The following TANK variants were observed in gnomAD, a reference collection of about 807,000 sequenced individuals.
TANK encodes TRAF family member-associated NF-kappa-B activator.
A neutral mutation model predicts 43.6 loss-of-function variants in TANK; 15 were observed. That is an observed-to-expected ratio of 0.34 (90% CI 0.23 to 0.53). The LOEUF is 0.53. Among genes scored for constraint, TANK ranks in the 20% least tolerant of loss-of-function variants. The probability of loss-of-function intolerance (pLI) is 0.94; values close to 1 mark genes in which losing one functional copy is unlikely to be tolerated. For synonymous variants in TANK, 162 were observed against 178.2 expected, an observed-to-expected ratio of 0.91 and a Z score of 0.73; for missense variants, 417 against 498.6, an observed-to-expected ratio of 0.84 and a Z score of 1.56.
At chr2:161,213,437 T>A (rs972571253) in intron 4 of TANK, among the ~76,000 whole-genome samples, 2 of 152,076 alleles carry the variant, frequency 1.3e-5, no homozygotes, top group Non-Finnish European at 2.9e-5. Context: ...ACCCTGTCTC[T>A]ACTAAGAATA....
At chr2:161,146,698 T>C (rs1249957557) in intron 1 of TANK, among the ~76,000 whole-genome samples, 1 of 152,200 alleles carries the variant, frequency 6.6e-6, no homozygotes, top group Admixed American at 6.5e-5. Flanking sequence ...TGCCTGCTCC[T>C]TCCTCTGGGA....
At chr2:161,138,038 G>T in intron 1 of TANK, 1 of 580,842 alleles carries the variant, frequency 1.7e-6, no homozygotes, top group Non-Finnish European at 2.2e-6. Flanking sequence ...ACATGATAGT[G>T]AATATTTCAT....
At chr2:161,194,094 G>A (rs952756663) in intron 2 of TANK, among the ~76,000 whole-genome samples, 6 of 151,974 alleles carry the variant, frequency 3.9e-5, no homozygotes, top group South Asian at 2.1e-4. Context: ...TTGCTTCTTT[G>A]ACCATCTTTC....
rs939411917 is a variant in TANK, at chr2:161,139,659, T to A, written c.-50+2596T>A. ...AAACCAACCAAACCTACACGTTTCC[T>A]CTTTTTCTCTCCAATCCACATGCTT... On this transcript the variant is annotated intron_variant, in intron 1 of 7. Coordinates refer to the TANK transcript ENST00000259075. 5.1e-6 allele frequency: 5 copies of A among 983,114 alleles called. No homozygotes were observed. In the African/African-American group the frequency reaches 8.7e-5, roughly 17 times the overall value. The allele number at this position is 983,114 out of a possible 1,614,324, so 60.9% of individuals were successfully genotyped here.
intron 1 of TANK, chr2:161,160,776 G>A (rs1277071657): frequency 8.9e-6 from 5 of 561,512 alleles, no homozygotes; most frequent in South Asian, 4.6e-5. Context: ...GACTCGTCCC[G>A]GCTGCTTTGC....
intron 1 of TANK, among the ~76,000 whole-genome samples, chr2:161,175,635 A>C (rs571112895): frequency 6.6e-6 from 1 of 152,224 alleles, no homozygotes; most frequent in Non-Finnish European, 1.5e-5. Context: ...TTTCTTGCTC[A>C]TGCTACCTCT....
At chr2:161,199,674 A>C (rs938036195) in intron 2 of TANK, among the ~76,000 whole-genome samples, 1 of 152,184 alleles carries the variant, frequency 6.6e-6, no homozygotes, top group African/African-American at 2.4e-5. Context: ...ACCATTTTTG[A>C]TAAATTTAGG....
chr2:161,232,541 T>C (rs994543704), intron 7 of TANK, among the ~76,000 whole-genome samples: 1 of 152,208 alleles, frequency 6.6e-6, no homozygotes, highest in African/African-American at 2.4e-5. Flanking sequence ...AAGTTTTAAT[T>C]ATAACCTCAC....
chr2:161,178,168 C>A (rs1685252554), intron 1 of TANK, among the ~76,000 whole-genome samples: 2 of 152,040 alleles, frequency 1.3e-5, no homozygotes, highest in African/African-American at 4.8e-5. Context: ...AGGTATATAT[C>A]TGAAAATATT....
intron 6 of TANK, among the ~76,000 whole-genome samples, chr2:161,228,842 T>G (rs1687766014): frequency 6.6e-6 from 1 of 152,232 alleles, no homozygotes; most frequent in Non-Finnish European, 1.5e-5. Context: ...CACATACCAT[T>G]GTGTTACCTG....
intron 1 of TANK, among the ~76,000 whole-genome samples, chr2:161,141,938 T>A (rs1402074309): frequency 6.6e-6 from 1 of 152,184 alleles, no homozygotes; most frequent in Non-Finnish European, 1.5e-5. Flanking sequence ...CGAATTTACA[T>A]TTCCACCAAC....
In TANK at chr2:161,231,395, A is replaced by G; in HGVS notation, c.945A>G (p.Val315=). The G allele has an allele frequency of 4.3e-6, 7 of 1,614,210 alleles. No individual in the cohort carries two copies. Among genetic ancestry groups the G allele is most frequent in the Non-Finnish European group, 5.9e-6 (7 of 1,180,014 alleles). Residue 315 remains valine (V), a synonymous_variant, in exon 7 of 8, where the codon GTA becomes GTG. Coordinates refer to ENST00000392749, the MANE Select transcript of TANK (RefSeq NM_001199135.3). The stretch of plus-strand genomic sequence containing the variant: ...ACAAAACAAAGCCCTCAAATCTCGT[A>G]AACACTTGTATCAGGACAACTCTGG... The part of the protein sequence containing the change: ...TTDKTKPSNL[V]NTCIRTTLDR...
intron 2 of TANK, chr2:161,202,822 A>G (rs1465444484): frequency 4.4e-6 from 2 of 457,338 alleles, no homozygotes; most frequent in African/African-American, 2.0e-5. Context: ...TGTATTCCTC[A>G]GTACAAACTT....
intron 4 of TANK, chr2:161,212,186 G>A (rs1438236199): frequency 3.3e-6 from 1 of 304,202 alleles, no homozygotes; most frequent in Non-Finnish European, 4.8e-6. Flanking sequence ...TCAGCCTCCC[G>A]AATAGCTGGG....
At chr2:161,142,362 T>C (rs1435311895) in intron 1 of TANK, among the ~76,000 whole-genome samples, 1 of 152,226 alleles carries the variant, frequency 6.6e-6, no homozygotes, top group African/African-American at 2.4e-5. Flanking sequence ...TTTTGTTGCA[T>C]TGCTTTTGGC....
intron 1 of TANK, among the ~76,000 whole-genome samples, chr2:161,148,636 C>T (rs1049349275): frequency 2.0e-5 from 3 of 152,090 alleles, no homozygotes; most frequent in African/African-American, 7.2e-5. Context: ...TCTAAGTGTG[C>T]TATTATGGTT....
At chr2:161,199,803 G>A (rs1173207910) in intron 2 of TANK, among the ~76,000 whole-genome samples, 1 of 152,124 alleles carries the variant, frequency 6.6e-6, no homozygotes, top group Non-Finnish European at 1.5e-5. Flanking sequence ...CAGCACTTTG[G>A]GAGGCCAAGG....
rs542405520 is a variant in TANK, at chr2:161,160,467, C to T, written c.-69C>T. On this transcript the variant is annotated 5_prime_UTR_variant, in exon 1 of 8. Transcript: ENST00000392749. ...CGGCGACCTGAGGGGAGAGGGAACGCAGCTGAAAGCGTGAACTGTGTGAGT... is the reference window on the plus strand; with the variant it reads ...CGGCGACCTGAGGGGAGAGGGAACGTAGCTGAAAGCGTGAACTGTGTGAGT... 4.0e-6 allele frequency: 5 copies of T among 1,238,614 alleles called. No homozygotes were observed. The African/African-American group carries it at 4.6e-5, about 11-fold the overall frequency. 76.7% of individuals were successfully genotyped at this position (1,238,614 alleles called of 1,614,324 possible). A position where few individuals can be genotyped will look rare whatever the true frequency, so the allele number is the denominator to read the frequency against.
intron 4 of TANK, chr2:161,212,484 G>T: frequency 1.0e-6 from 1 of 985,174 alleles, no homozygotes; most frequent in Non-Finnish European, 1.2e-6. Flanking sequence ...ACCCTTTCCT[G>T]CTCTGGGTTT....
Sources: allele counts gnomAD v4.1 joint callset (sites outside exome capture counted in the v4.1 genomes callset), GRCh38; gene constraint gnomAD v4.1.1; transcripts MANE v1.5; gene names NCBI Gene and HGNC (gene_info 2026-07-23, HGNC 2026-07-21).